The following KLHL1 variants were observed in gnomAD, a reference collection of about 807,000 sequenced individuals.
KLHL1 encodes kelch-like protein 1.
Under a neutral mutation model 77.7 loss-of-function variants are expected in KLHL1, and 47 were observed. That is an observed-to-expected ratio of 0.60 (90% CI 0.48 to 0.77). KLHL1 has a LOEUF of 0.77. KLHL1 is among the 30% of genes least tolerant of loss of function. The probability of loss-of-function intolerance (pLI) is 0.00; values close to 1 mark genes in which losing one functional copy is unlikely to be tolerated. For synonymous variants in KLHL1, 360 were observed against 325.2 expected (o/e 1.11, Z -1.15); for missense variants, 925 against 910.8 (o/e 1.02, Z -0.20).
At chr13:69,984,086 T>A (rs151310011) in intron 1 of KLHL1, among the ~76,000 whole-genome samples, 1 of 152,204 alleles carries the variant, frequency 6.6e-6, no homozygotes, top group African/African-American at 2.4e-5. Flanking sequence ...GTTCATGACA[T>A]TGGTCTGGGC....
At chr13:69,816,517 G>A (rs1217942553) in intron 6 of KLHL1, among the ~76,000 whole-genome samples, 4 of 151,888 alleles carry the variant, frequency 2.6e-5, no homozygotes, top group African/African-American at 9.7e-5. Context: ...CACCCGCCTA[G>A]GCCTCCTAAA....
chr13:69,752,706 T>C (rs1228445257), intron 7 of KLHL1, among the ~76,000 whole-genome samples: 1 of 152,154 alleles, frequency 6.6e-6, no homozygotes, highest in African/African-American at 2.4e-5. Flanking sequence ...CCTGGGGGTT[T>C]AAAGGTTGGG....
intron 1 of KLHL1, among the ~76,000 whole-genome samples, chr13:70,011,602 A>AT (rs1173513486): frequency 6.6e-6 from 1 of 152,146 alleles, no homozygotes; most frequent in Non-Finnish European, 1.5e-5. Flanking sequence ...AGTTATCCCT[A>AT]TCTTGATAGT....
intron 6 of KLHL1, among the ~76,000 whole-genome samples, chr13:69,838,171 T>G (rs1879104130): frequency 6.6e-6 from 1 of 151,718 alleles, no homozygotes; most frequent in African/African-American, 2.4e-5. Flanking sequence ...AAGTTTTTTT[T>G]TTGTTCTGAT....
chr13:69,981,049 T>C (rs1884689697), intron 1 of KLHL1, among the ~76,000 whole-genome samples: 1 of 152,160 alleles, frequency 6.6e-6, no homozygotes, highest in African/African-American at 2.4e-5. Flanking sequence ...CCTAACAGAA[T>C]GCCTGGCACA....
intron 5 of KLHL1, among the ~76,000 whole-genome samples, chr13:69,868,444 T>C (rs1880455585): frequency 6.6e-6 from 1 of 152,036 alleles, no homozygotes; most frequent in Non-Finnish European, 1.5e-5. Flanking sequence ...TGATAATGAA[T>C]GTTAAGAGGC....
chr13:70,095,832 C>A (rs766243723), intron 1 of KLHL1, among the ~76,000 whole-genome samples: 2 of 151,838 alleles, frequency 1.3e-5, no homozygotes, highest in African/African-American at 4.8e-5. Context: ...TCCCTCCACC[C>A]CCCCCACCAC....
In KLHL1 at chr13:69,740,486, C is replaced by T. The variant is rs545442066; in HGVS notation, c.1710G>A (p.Val570=). Residue 570 remains valine, a synonymous_variant, in exon 8 of 11, where the codon GTG becomes GTA. Coordinates refer to ENST00000377844, the MANE Select transcript of KLHL1 (RefSeq NM_020866.3). ...GHDGWSYLNT[V]ERWDPQSQQW... ...GTTGACTCTGTGGATCCCACCTTTC[C>T]ACTGTATTCAGATAGCTCCAGCCAT... The T allele has an allele frequency of 6.2e-7, 1 of 1,613,066 alleles. No individual in the cohort carries two copies. The highest frequency in any genetic ancestry group is 2.2e-5 in the East Asian group (1 of 44,830).
At chr13:69,985,847 GAT>G (rs201265781) in intron 1 of KLHL1, among the ~76,000 whole-genome samples, 1 of 127,536 alleles carries the variant, frequency 7.8e-6, no homozygotes, top group Non-Finnish European at 1.7e-5. Flanking sequence ...TGTGTGTATA[GAT>G]ATATATATAC....
chr13:69,827,641 A>G (rs1219656577), intron 6 of KLHL1, among the ~76,000 whole-genome samples: 1 of 151,334 alleles, frequency 6.6e-6, no homozygotes, highest in African/African-American at 2.4e-5. Context: ...GAGGTAGGGG[A>G]ATCTCGTGAA....
intron 1 of KLHL1, among the ~76,000 whole-genome samples, chr13:70,057,205 C>T (rs540577538): frequency 6.6e-6 from 1 of 152,080 alleles, no homozygotes; most frequent in Non-Finnish European, 1.5e-5. Context: ...AATTTCTAGA[C>T]CCATACAACT....
intron 1 of KLHL1, among the ~76,000 whole-genome samples, chr13:70,093,743 C>T (rs934925686): frequency 1.6e-4 from 25 of 152,096 alleles, no homozygotes; most frequent in Non-Finnish European, 1.3e-4. Flanking sequence ...CCAACTACAT[C>T]ATATGTAAAG....
intron 4 of KLHL1, among the ~76,000 whole-genome samples, chr13:69,902,192 C>A (rs1379948646): frequency 6.6e-6 from 1 of 152,058 alleles, no homozygotes; most frequent in Non-Finnish European, 1.5e-5. Context: ...ATGTAAGTTC[C>A]TGAAAGGTAT....
chr13:69,766,653 C>T (rs954378718), intron 7 of KLHL1, among the ~76,000 whole-genome samples: 2 of 151,738 alleles, frequency 1.3e-5, no homozygotes, highest in African/African-American at 4.8e-5. Context: ...GGAAAATATC[C>T]CCAGTAGATT....
intron 4 of KLHL1, among the ~76,000 whole-genome samples, chr13:69,938,692 G>A (rs1292966887): frequency 2.0e-5 from 3 of 151,998 alleles, no homozygotes; most frequent in Admixed American, 6.6e-5. Context: ...ACTTTGATTT[G>A]CTATGGTTCA....
At chr13:69,828,369 G>T (rs538340902) in intron 6 of KLHL1, among the ~76,000 whole-genome samples, 1 of 150,116 alleles carries the variant, frequency 6.7e-6, no homozygotes, top group Non-Finnish European at 1.5e-5. Context: ...GAGGAAGTAG[G>T]ATGAGCCCTG....
chr13:69,919,830 T>C (rs1261697326), intron 4 of KLHL1, among the ~76,000 whole-genome samples: 2 of 152,168 alleles, frequency 1.3e-5, no homozygotes, highest in Non-Finnish European at 2.9e-5. Context: ...ATAAAAAAGG[T>C]CACATATATT....
intron 1 of KLHL1, among the ~76,000 whole-genome samples, chr13:70,008,473 C>T (rs1396666476): frequency 1.3e-5 from 2 of 151,980 alleles, no homozygotes; most frequent in Non-Finnish European, 2.9e-5. Flanking sequence ...ATATGTGGTA[C>T]ACTCATGTGC....
At chr13:69,963,809 A>T (rs1440708338) in intron 2 of KLHL1, among the ~76,000 whole-genome samples, 1 of 152,118 alleles carries the variant, frequency 6.6e-6, no homozygotes, top group Non-Finnish European at 1.5e-5. Context: ...AGTCGGCTTT[A>T]AGCTGGTATC....
Sources: gnomAD v4.1 joint callset for allele counts (sites outside exome capture counted in the v4.1 genomes callset) on GRCh38, gnomAD v4.1.1 for gene constraint, MANE v1.5 for transcripts, NCBI Gene and HGNC (gene_info 2026-07-23, HGNC 2026-07-21) for gene names.